The following TMPRSS15 variants were observed in gnomAD, a reference collection of about 807,000 sequenced individuals.
The protein encoded by TMPRSS15 is transmembrane serine protease 15.
A neutral mutation model predicts 125.3 loss-of-function variants in TMPRSS15; 128 were observed. The ratio of observed to expected loss-of-function variants is 1.02; its 90% CI spans 0.89 to 1.18. The LOEUF is 1.18. Among genes scored for constraint, TMPRSS15 ranks in the 50% most tolerant of loss-of-function variants. The probability of loss-of-function intolerance (pLI) is 0.00; values close to 1 mark genes in which losing one functional copy is unlikely to be tolerated. For missense variants in TMPRSS15, 1,283 were observed against 1,212.7 expected (o/e 1.06, Z -0.86); for synonymous variants, 446 against 423.2 (o/e 1.05, Z -0.66).
intron 4 of TMPRSS15, among the ~76,000 whole-genome samples, chr21:18,379,641 T>G (rs964004768): frequency 6.6e-6 from 1 of 152,094 alleles, no homozygotes; most frequent in Non-Finnish European, 1.5e-5. Context: ...TAGACGTAAA[T>G]GTTCCAGGTT....
At chr21:18,386,270 G>A (rs982087875) in intron 3 of TMPRSS15, among the ~76,000 whole-genome samples, 1 of 152,110 alleles carries the variant, frequency 6.6e-6, no homozygotes, top group African/African-American at 2.4e-5. Context: ...CAGCTTATTA[G>A]TGTCAGAGAT....
At chr21:18,466,643 C>T (rs1390018988) in intron 1 of TMPRSS15, among the ~76,000 whole-genome samples, 1 of 151,930 alleles carries the variant, frequency 6.6e-6, no homozygotes, top group Non-Finnish European at 1.5e-5. Flanking sequence ...TTATGTGGCT[C>T]ACAAACATAT....
chr21:18,360,696 T>A (rs1177457032), intron 7 of TMPRSS15, among the ~76,000 whole-genome samples: 1 of 152,172 alleles, frequency 6.6e-6, no homozygotes, highest in Non-Finnish European at 1.5e-5. Flanking sequence ...CTCTGTAATA[T>A]ATTTTGAAAT....
chr21:18,280,905 A>G, intron 22 of TMPRSS15, 135 bp downstream of exon 22: 2 of 973,938 alleles, frequency 2.1e-6, no homozygotes, highest in South Asian at 1.4e-5. Context: ...CCCTAATCCC[A>G]TTTAAGTTCC....
intron 1 of TMPRSS15, among the ~76,000 whole-genome samples, chr21:18,476,943 A>T (rs1241287247): frequency 6.6e-6 from 1 of 151,956 alleles, no homozygotes; most frequent in Non-Finnish European, 1.5e-5. Context: ...GCTAACTCCA[A>T]ATGCCACATT....
chr21:18,326,258 T>A (rs983604991), intron 16 of TMPRSS15, among the ~76,000 whole-genome samples, 174 bp downstream of exon 16: 1 of 152,148 alleles, frequency 6.6e-6, no homozygotes, highest in Non-Finnish European at 1.5e-5. Context: ...TTGAACGAAC[T>A]CAGGTAACGG....
At chr21:18,303,436 CG>C (rs959660313) in intron 18 of TMPRSS15, among the ~76,000 whole-genome samples, 65 of 152,056 alleles carry the variant, frequency 4.3e-4, no homozygotes, top group African/African-American at 1.4e-3. Context: ...TGGATTTTAT[CG>C]ATTTTATTCA....
chr21:18,449,858 A>AACAC (rs760464791), intron 1 of TMPRSS15, among the ~76,000 whole-genome samples: 1 of 81,420 alleles, frequency 1.2e-5, no homozygotes, highest in African/African-American at 4.1e-5. Context: ...CTTTCCCTCA[A>AACAC]ACACACACAC....
intron 3 of TMPRSS15, among the ~76,000 whole-genome samples, chr21:18,396,830 C>CTATCTATCTATCTATCT (rs1555909757): frequency 4.8e-5 from 7 of 144,994 alleles, no homozygotes; most frequent in African/African-American, 1.8e-4. Flanking sequence ...ATCTATCTAT[C>CTATCTATCTATCTATCT]TATCTATCTA....
At chr21:18,415,212 CT>C (rs1260639490) in intron 1 of TMPRSS15, among the ~76,000 whole-genome samples, 1 of 151,970 alleles carries the variant, frequency 6.6e-6, no homozygotes, top group Non-Finnish European at 1.5e-5. Flanking sequence ...GGTTACTTGT[CT>C]TTTTGCTATT....
At chr21:18,481,935 A>G (rs976713807) in intron 1 of TMPRSS15, among the ~76,000 whole-genome samples, 2 of 151,694 alleles carry the variant, frequency 1.3e-5, no homozygotes, top group African/African-American at 4.8e-5. Context: ...CTGAGGAAAT[A>G]TTTGTTTCAT....
chr21:18,424,471 G>T (rs1281916095), intron 1 of TMPRSS15, among the ~76,000 whole-genome samples: 1 of 152,146 alleles, frequency 6.6e-6, no homozygotes, highest in Admixed American at 6.5e-5. Context: ...GTTAAAGTCA[G>T]AAAAAGTGAT....
chr21:18,329,379 C>A, intron 14 of TMPRSS15, 85 bp from the exon 15 acceptor site: 2 of 1,365,938 alleles, frequency 1.5e-6, no homozygotes, highest in East Asian at 2.5e-5. Flanking sequence ...TTTCAAATAA[C>A]TTAAAAAAAA....
At chr21:18,398,940 T>C (rs1458919786) in intron 1 of TMPRSS15, among the ~76,000 whole-genome samples, 1 of 151,776 alleles carries the variant, frequency 6.6e-6, no homozygotes, top group Non-Finnish European at 1.5e-5. Context: ...CTGTAGAAAA[T>C]AGATAACCTC....
intron 1 of TMPRSS15, among the ~76,000 whole-genome samples, chr21:18,478,583 G>C (rs1336562011): frequency 6.6e-6 from 1 of 151,908 alleles, no homozygotes; most frequent in Non-Finnish European, 1.5e-5. Flanking sequence ...AACATCCTCT[G>C]TTTCAGAACC....
chr21:18,455,721 G>A (rs1978428030), intron 1 of TMPRSS15, among the ~76,000 whole-genome samples: 1 of 152,120 alleles, frequency 6.6e-6, no homozygotes, highest in African/African-American at 2.4e-5. Context: ...CTAGTTTTAG[G>A]TTAGCTATCA....
chr21:18,330,490 C>G (rs372185539), intron 14 of TMPRSS15, among the ~76,000 whole-genome samples: 238 of 152,194 alleles, frequency 1.6e-3, no homozygotes, highest in Non-Finnish European at 2.7e-3. Context: ...ATTCAAGAAA[C>G]AGTTGTCTCC....
intron 18 of TMPRSS15, among the ~76,000 whole-genome samples, chr21:18,307,378 T>C (rs2075049412): frequency 6.6e-6 from 1 of 152,082 alleles, no homozygotes; most frequent in Non-Finnish European, 1.5e-5. Context: ...TCGTGGGAAA[T>C]GGGATCAGTG....
chr21:18,313,154 T>A, intron 17 of TMPRSS15, 77 bp from the exon 18 acceptor site: 1 of 984,788 alleles, frequency 1.0e-6, no homozygotes, highest in Non-Finnish European at 1.6e-6. Context: ...GTTCAAAGAG[T>A]ACAGAGCTTC....
Sources: gnomAD v4.1 joint callset for allele counts (sites outside exome capture counted in the v4.1 genomes callset) on GRCh38, gnomAD v4.1.1 for gene constraint, MANE v1.5 for transcripts, NCBI Gene and HGNC (gene_info 2026-07-23, HGNC 2026-07-21) for gene names.